ESRRG: variants seen among roughly 807,000 people sequenced by gnomAD.
The protein encoded by ESRRG is estrogen related receptor gamma, also known as estrogen-related receptor gamma.
ESRRG carries 13 observed loss-of-function variants against 44.0 expected under a neutral mutation model. The ratio of observed to expected loss-of-function variants is 0.30; its 90% CI spans 0.19 to 0.47. The LOEUF (loss-of-function observed/expected upper bound fraction) is 0.47, where lower values mean the gene tolerates loss of function less well. Among genes scored for constraint, ESRRG ranks in the 20% least tolerant of loss-of-function variants. ESRRG has a pLI of 1.00. For synonymous variants in ESRRG, 215 were observed against 214.6 expected (o/e 1.00, Z -0.02); for missense variants, 395 against 580.6 (o/e 0.68, Z 3.29).
chr1:217,046,973 G>C (rs1301542837), intron 1 of ESRRG, among the ~76,000 whole-genome samples: 1 of 152,038 alleles, frequency 6.6e-6, no homozygotes, highest in Non-Finnish European at 1.5e-5. Context: ...GTTGTAAGCT[G>C]ATTGAATATA....
chr1:216,644,427 C>CTT (rs71161439), intron 3 of ESRRG, among the ~76,000 whole-genome samples: 24,497 of 128,392 alleles, frequency 0.19, 3,154 homozygotes, highest in Non-Finnish European at 0.28. Flanking sequence ...TTCTTTCTTT[C>CTT]TTTTTTTTTT....
intron 1 of ESRRG, among the ~76,000 whole-genome samples, chr1:216,960,496 TC>T (rs2068817424): frequency 6.6e-6 from 1 of 152,322 alleles, no homozygotes; most frequent in African/African-American, 2.4e-5. Context: ...ATGGGATTTT[TC>T]AAGATGGTAT....
At chr1:216,932,299 A>T (rs2063472955) in intron 2 of ESRRG, among the ~76,000 whole-genome samples, 1 of 152,194 alleles carries the variant, frequency 6.6e-6, no homozygotes. Context: ...AGAAGTTTCA[A>T]CAAAGAAGGA....
chr1:216,945,605 C>T (rs972466908), intron 1 of ESRRG, among the ~76,000 whole-genome samples: 1 of 152,162 alleles, frequency 6.6e-6, no homozygotes, highest in African/African-American at 2.4e-5. Context: ...CAAACTTCTC[C>T]TTTCTTTTCA....
chr1:216,971,896 T>A (rs1054422916), intron 1 of ESRRG, among the ~76,000 whole-genome samples: 5 of 152,186 alleles, frequency 3.3e-5, no homozygotes, highest in Admixed American at 3.3e-4. Context: ...CGCTAATCTC[T>A]TCTAGCCTGA....
intron 1 of ESRRG, among the ~76,000 whole-genome samples, chr1:217,022,602 C>G (rs1211274583): frequency 7.2e-5 from 11 of 152,138 alleles, no homozygotes; most frequent in Admixed American, 6.5e-4. Context: ...GCAGCAACAG[C>G]CGTTGCCCAG....
intron 2 of ESRRG, among the ~76,000 whole-genome samples, chr1:216,747,536 C>A (rs2091542877): frequency 6.6e-6 from 1 of 152,096 alleles, no homozygotes; most frequent in Non-Finnish European, 1.5e-5. Context: ...CTGGATATCC[C>A]AGACACAGGA....
At chr1:216,661,597 C>A (rs1165905270) in intron 2 of ESRRG, among the ~76,000 whole-genome samples, 1 of 152,068 alleles carries the variant, frequency 6.6e-6, no homozygotes, top group East Asian at 1.9e-4. Context: ...TGGATGATAC[C>A]CTATATGATA....
chr1:216,542,105 A>AGAGG (rs1286432162), intron 5 of ESRRG, among the ~76,000 whole-genome samples: 3 of 151,694 alleles, frequency 2.0e-5, no homozygotes, highest in Admixed American at 6.6e-5. Context: ...AGAGAGAGAG[A>AGAGG]GAGAGATAGA....
In ESRRG at chr1:217,021,049, T is replaced by TACACACACAC. The variant is rs10655764; in HGVS notation, c.-106+68448_-106+68457dup. Among the ~76,000 whole-genome samples the TACACACACAC allele has an allele frequency of 6.6e-3, 960 of 145,390 alleles. 8 individuals are homozygous for TACACACACAC. Among genetic ancestry groups the TACACACACAC allele is most frequent in the East Asian group, 0.021 (103 of 4,814 alleles). On this transcript the variant is annotated intron_variant, in intron 1 of 7. Transcript: ENST00000359162. ...CCCCATCCCCCAACCCTGCCATGCATACACACACACACACACACACACACA... is the reference window on the plus strand; with the variant it reads ...CCCCATCCCCCAACCCTGCCATGCATACACACACACACACACACACACACACACACACACA...
At chr1:217,097,076 G>A (rs1162219607) in intron 1 of ESRRG, among the ~76,000 whole-genome samples, 1 of 152,078 alleles carries the variant, frequency 6.6e-6, no homozygotes, top group Non-Finnish European at 1.5e-5. Flanking sequence ...TTAGCTGGGT[G>A]TCGTGATGTG....
At chr1:216,744,719 C>T (rs2091189370) in intron 2 of ESRRG, among the ~76,000 whole-genome samples, 1 of 152,150 alleles carries the variant, frequency 6.6e-6, no homozygotes. Flanking sequence ...CTCTTTTTGG[C>T]TACAAATGTG....
intron 2 of ESRRG, among the ~76,000 whole-genome samples, chr1:216,658,860 GAA>G (rs2071399341): frequency 2.1e-5 from 1 of 47,052 alleles, no homozygotes; most frequent in Non-Finnish European, 5.9e-5. Flanking sequence ...GAAGAGAAGA[GAA>G]GAGAAGAGAA....
chr1:216,844,399 C>T (rs998484516), intron 2 of ESRRG, among the ~76,000 whole-genome samples: 1 of 152,138 alleles, frequency 6.6e-6, no homozygotes, highest in Non-Finnish European at 1.5e-5. Context: ...CGTCAAACCT[C>T]CCCGAAGCTT....
At chr1:216,555,898 T>C (rs569999343) in intron 5 of ESRRG, among the ~76,000 whole-genome samples, 2 of 151,944 alleles carry the variant, frequency 1.3e-5, no homozygotes, top group South Asian at 2.1e-4. Flanking sequence ...CTGAGGCAGA[T>C]AAAGGGGGAC....
intron 2 of ESRRG, among the ~76,000 whole-genome samples, chr1:216,749,937 G>T (rs1034249202): frequency 6.6e-6 from 1 of 152,112 alleles, no homozygotes; most frequent in Admixed American, 6.5e-5. Flanking sequence ...CCTTTTTTCT[G>T]AGGAATATGT....
intron 2 of ESRRG, among the ~76,000 whole-genome samples, chr1:216,660,378 C>A (rs578154454): frequency 6.6e-6 from 1 of 152,226 alleles, no homozygotes; most frequent in African/African-American, 2.4e-5. Flanking sequence ...CTTTGATGTG[C>A]TTTACATTAT....
intron 1 of ESRRG, among the ~76,000 whole-genome samples, chr1:217,105,964 T>A (rs1402719349): frequency 1.3e-5 from 2 of 152,174 alleles, no homozygotes; most frequent in Middle Eastern, 6.3e-3. Context: ...TAATTATCAC[T>A]TTAAAAACTA....
At chr1:216,926,203 C>T (rs1259975095) in intron 2 of ESRRG, among the ~76,000 whole-genome samples, 1 of 152,148 alleles carries the variant, frequency 6.6e-6, no homozygotes, top group Non-Finnish European at 1.5e-5. Context: ...CTGCTGCTTC[C>T]GCAGATCTGC....
Sources: gnomAD v4.1 joint callset for allele counts (sites outside exome capture counted in the v4.1 genomes callset) on GRCh38, gnomAD v4.1.1 for gene constraint, MANE v1.5 for transcripts, NCBI Gene and HGNC (gene_info 2026-07-23, HGNC 2026-07-21) for gene names.